KRT28: variants seen among roughly 807,000 people sequenced by gnomAD.
KRT28 encodes the protein keratin, type I cytoskeletal 28.
Under a neutral mutation model 48.1 loss-of-function variants are expected in KRT28, and 45 were observed. That is an observed-to-expected ratio of 0.94 (90% CI 0.74 to 1.20). The LOEUF (loss-of-function observed/expected upper bound fraction) is 1.20. KRT28 is among the 50% of genes most tolerant of loss of function. The pLI is 0.00. For synonymous variants in KRT28, 228 were observed against 227.4 expected (o/e 1.00, Z -0.03); for missense variants, 571 against 574.1 (o/e 0.99, Z 0.06).
chr17:40,796,719 C>T (rs1904620464), intron 5 of KRT28, among the ~76,000 whole-genome samples, 197 bp downstream of exon 5: 1 of 152,188 alleles, frequency 6.6e-6, no homozygotes, highest in African/African-American at 2.4e-5. Flanking sequence ...GAAGGAAACT[C>T]CCAGTGATGT....
chr17:40,798,869 A>G (rs1029920772), intron 2 of KRT28, 48 bp downstream of exon 2: 6 of 1,216,762 alleles, frequency 4.9e-6, no homozygotes, highest in East Asian at 2.3e-5. Context: ...TAACAAATTA[A>G]ATAAATAGAA....
intron 5 of KRT28, among the ~76,000 whole-genome samples, chr17:40,796,483 C>T (rs1277072545): frequency 6.6e-6 from 1 of 152,204 alleles, no homozygotes; most frequent in African/African-American, 2.4e-5. Flanking sequence ...GGTGAAACCA[C>T]ATGTGGCTTC....
chr17:40,797,341 G>A (rs1904641190), intron 3 of KRT28, 60 bp from the exon 4 acceptor site: 1 of 1,491,708 alleles, frequency 6.7e-7, no homozygotes. Context: ...AGTCTGAGAA[G>A]TTCTCAAACG....
Position 40,799,925 on chromosome 17 carries a change from C to A in KRT28, c.-32G>T. 1 of 1,511,300 alleles carries A rather than the reference C, an allele frequency of 6.6e-7. No individual in the cohort carries two copies. 93.6% of individuals were successfully genotyped at this position (1,511,300 alleles called of 1,614,324 possible). A position where few individuals can be genotyped will look rare whatever the true frequency, so the allele number is the denominator to read the frequency against. On this transcript the variant is annotated 5_prime_UTR_variant, in exon 1 of 8. Transcript: ENST00000306658. ...TTGAGAAATGTTCACCTTGTCTATG[C>A]AAAACTGTAATGTCCCAAGAGAACA...
Position 40,799,812 on chromosome 17 carries a change from C to T in KRT28, c.82G>A (p.Ala28Thr), listed in dbSNP as rs1437702604. 1.2e-6 allele frequency: 2 copies of T among 1,614,092 alleles called. No homozygotes were observed. The highest frequency in any genetic ancestry group is 1.7e-6 in the Non-Finnish European group (2 of 1,180,010). Residue 28 changes from alanine (A) to threonine (T), a missense_variant, in exon 1 of 8, where the codon GCA (alanine) becomes ACA (threonine). Transcript: ENST00000306658. ...CATGCACTGCTGCCTGCAAAGCCTG[C>T]ACCTCCATTGAGGGGTCTGACAGAT... ...AGSVRPLNGG[A>T]GFAGSSACGG...
rs1437702604 is a variant in KRT28 at position 40,799,812 on chromosome 17, C to A, written c.82G>T (p.Ala28Ser). 1 of 1,614,094 alleles carries A rather than the reference C, an allele frequency of 6.2e-7. No individual in the cohort carries two copies. The highest frequency in any genetic ancestry group is 1.7e-5 in the Admixed American group (1 of 60,016). Reference protein sequence around the residue: ...AGSVRPLNGGAGFAGSSACGG... With the variant: ...AGSVRPLNGGSGFAGSSACGG... Reference sequence around the variant, plus strand: ...CATGCACTGCTGCCTGCAAAGCCTGCACCTCCATTGAGGGGTCTGACAGAT... The same window carrying A: ...CATGCACTGCTGCCTGCAAAGCCTGAACCTCCATTGAGGGGTCTGACAGAT... Residue 28 changes from alanine to serine, a missense_variant, in exon 1 of 8, where the codon GCA becomes TCA. Coordinates refer to ENST00000306658, the MANE Select transcript of KRT28 (RefSeq NM_181535.3).
rs781148560 is a variant in KRT28, at chr17:40,794,053, A to T, written c.979-7T>A. 11 of 1,613,624 alleles carry T rather than the reference A, an allele frequency of 6.8e-6. No homozygotes were observed. Among genetic ancestry groups the T allele is most frequent in the South Asian group, 4.4e-5 (4 of 91,050 alleles). ...AGCACTCCAGGGAGTGTTTCTGAGG[A>T]CATCAAAGAAGCCGTGGCAAGGGAT... On this transcript the variant is annotated splice_polypyrimidine_tract_variant and splice_region_variant and intron_variant, in intron 5 of 7. Transcript: ENST00000306658.
intron 5 of KRT28, 117 bp downstream of exon 5, chr17:40,796,799 C>T: frequency 7.4e-7 from 1 of 1,357,314 alleles, no homozygotes; most frequent in Non-Finnish European, 9.9e-7. Context: ...TCCACTCTCT[C>T]TGCTAAGTAT....
At chr17:40,793,608 G>C (rs1449858093) in intron 6 of KRT28, among the ~76,000 whole-genome samples, 2 of 152,112 alleles carry the variant, frequency 1.3e-5, no homozygotes, top group African/African-American at 4.8e-5. Context: ...CAACAGATGG[G>C]AATGGCTGCA....
In KRT28 at chr17:40,792,562, G is replaced by C. The variant is rs771885832; in HGVS notation, c.1260C>G (p.Ser420=). 36 of 1,603,130 alleles carry C rather than the reference G, an allele frequency of 2.2e-5. No homozygotes were observed. Among genetic ancestry groups the C allele is most frequent in the Admixed American group, 5.2e-5 (3 of 57,898 alleles). ...GSPGNSSKDL[S]KTTLVKTVVE... is the part of the protein sequence containing the mutation. ...CCACTGTCTTTACCAGTGTGGTTTTGGATAAATCTAGAAATAAAACATAGG... is the reference window on the plus strand; with the variant it reads ...CCACTGTCTTTACCAGTGTGGTTTTCGATAAATCTAGAAATAAAACATAGG... The change falls in exon 8 of 8, where the codon TCC becomes TCG. Residue 420 remains serine (S), a synonymous_variant. Transcript: ENST00000306658.
At chr17:40,798,523 G>A in intron 2 of KRT28, 132 bp from the exon 3 acceptor site, 2 of 973,116 alleles carry the variant, frequency 2.1e-6, no homozygotes, top group Non-Finnish European at 2.9e-6. Flanking sequence ...AATATATGAA[G>A]AAAGCGCTCC....
Position 40,798,257 on chromosome 17 carries a change from T to TA in KRT28, c.667dup (p.Tyr223LeufsTer61), listed in dbSNP as rs1904662077. ...TACCTCTTCGTGGTTCTTTTTGAGA[T>TA]ATGTCATCTCCTCACTCAGAGACTC... On this transcript the variant is annotated frameshift_variant, in exon 3 of 8. Transcript: ENST00000306658. LOFTEE classifies it high-confidence loss of function. 1 of 1,607,770 alleles carries TA rather than the reference T, an allele frequency of 6.2e-7. No individual in the cohort carries two copies. The highest frequency in any genetic ancestry group is 1.7e-5 in the Admixed American group (1 of 59,912).
At chr17:40,799,087 T>G in intron 1 of KRT28, 88 bp from the exon 2 acceptor site, 1 of 855,926 alleles carries the variant, frequency 1.2e-6, no homozygotes, top group Non-Finnish European at 1.8e-6. Flanking sequence ...TTACTCAAGT[T>G]TTTGCATAAA....
intron 6 of KRT28, among the ~76,000 whole-genome samples, chr17:40,793,415 A>T (rs935212821): frequency 1.4e-5 from 2 of 148,018 alleles, no homozygotes; most frequent in African/African-American, 2.5e-5. Flanking sequence ...TTTCCATTTG[A>T]TTTTTTTTTT....
intron 2 of KRT28, 106 bp from the exon 3 acceptor site, chr17:40,798,497 C>T (rs1904674180): frequency 2.9e-5 from 35 of 1,209,804 alleles, no homozygotes; most frequent in Non-Finnish European, 4.6e-6. Context: ...TGAATTAGGA[C>T]TGTAAATAGT....
chr17:40,797,626 G>GCC (rs1763359279), intron 3 of KRT28, among the ~76,000 whole-genome samples: 1 of 152,178 alleles, frequency 6.6e-6, no homozygotes, highest in Admixed American at 6.5e-5. Context: ...GTGTGCGCCT[G>GCC]TAGTCCCAGC....
Position 40,799,459 on chromosome 17 carries a change from C to T in KRT28, c.435G>A (p.Glu145=). 1 of 1,603,336 alleles carries T rather than the reference C, an allele frequency of 6.2e-7. No homozygotes were observed. The highest frequency in any genetic ancestry group is 2.2e-5 in the East Asian group (1 of 44,656). Residue 145 remains glutamate (E), a synonymous_variant, in exon 1 of 8, where the codon GAG becomes GAA. Transcript: ENST00000306658. ...HDYSRYHLTI[E]DLKNKIISST... is the part of the protein sequence containing the mutation. ...GATTTCTCACCTTATTCTTAAGATC[C>T]TCAATTGTTAGGTGATATCTGCTAT...
Position 40,798,265 on chromosome 17 carries a change from C to A in KRT28, c.660G>T (p.Glu220Asp). 1 of 1,610,278 alleles carries A rather than the reference C, an allele frequency of 6.2e-7. No homozygotes were observed. The highest frequency in any genetic ancestry group is 8.5e-7 in the Non-Finnish European group (1 of 1,176,788). The stretch of plus-strand genomic sequence containing the variant: ...CGTGGTTCTTTTTGAGATATGTCAT[C>A]TCCTCACTCAGAGACTCATATTGCA... ...QELQYESLSEEMTYLKKNHEE... is the reference protein window; with the variant it reads ...QELQYESLSEDMTYLKKNHEE... Residue 220 changes from glutamate (E) to aspartate (D), a missense_variant, in exon 3 of 8, where the codon GAG becomes GAT. Glu to Asp is a conservative substitution (Grantham distance 45, BLOSUM62 2). Transcript: ENST00000306658.
At chr17:40,793,257 G>A (rs960988662) in intron 6 of KRT28, 47 bp from the exon 7 acceptor site, 16 of 1,216,338 alleles carry the variant, frequency 1.3e-5, no homozygotes, top group African/African-American at 3.2e-5. Flanking sequence ...GCTTACTATC[G>A]CTTCAGAAAT....
Sources: allele counts gnomAD v4.1 joint callset (sites outside exome capture counted in the v4.1 genomes callset), GRCh38; gene constraint gnomAD v4.1.1; transcripts MANE v1.5; gene names NCBI Gene and HGNC (gene_info 2026-07-23, HGNC 2026-07-21).